PRKN: variants seen among roughly 807,000 people sequenced by gnomAD.
The protein encoded by PRKN is parkin RBR E3 ubiquitin protein ligase.
Under a neutral mutation model 59.5 loss-of-function variants are expected in PRKN, and 56 were observed. The ratio of observed to expected loss-of-function variants is 0.94; its 90% confidence interval spans 0.76 to 1.18. The LOEUF is 1.18. Ranked by LOEUF, PRKN falls within the 50% of genes most tolerant of loss-of-function variation. PRKN has a pLI of 0.00. For missense variants in PRKN, 657 were observed against 596.4 expected (o/e 1.10, Z -1.06); for synonymous variants, 250 against 222.1 (o/e 1.13, Z -1.12).
intron 7 of PRKN, among the ~76,000 whole-genome samples, chr6:161,621,240 G>A (rs577091346): frequency 2.3e-4 from 35 of 152,200 alleles, no homozygotes; most frequent in African/African-American, 8.4e-4. Flanking sequence ...TTTCTTAGAG[G>A]AATTGGCTCA....
Position 162,359,073 on chromosome 6 carries a change from A to T in PRKN, c.171+84237T>A, listed in dbSNP as rs867049041. ...ACACACTGTGGCAAAAAAAAAAAAA[A>T]AAAAAAATATATATATATATATATG... On this transcript the variant is annotated intron_variant, in intron 2 of 11. Transcript: ENST00000366898. Among the ~76,000 whole-genome samples, 728 of 89,594 alleles carry T rather than the reference A, an allele frequency of 8.1e-3. 5 individuals carry two copies. The highest frequency in any genetic ancestry group is 0.019 in the Middle Eastern group (4 of 210). The allele number at this position is 89,594 out of a possible 152,430, so 58.8% of individuals were successfully genotyped here. A position where few individuals can be genotyped will look rare whatever the true frequency, so the allele number is the denominator to read the frequency against.
intron 1 of PRKN, among the ~76,000 whole-genome samples, chr6:162,668,845 T>A (rs1779208966): frequency 6.6e-6 from 1 of 152,118 alleles, no homozygotes; most frequent in Non-Finnish European, 1.5e-5. Flanking sequence ...TTTCCTATAT[T>A]TAATGGCACC....
At chr6:161,541,002 G>GT (rs530665204) in intron 9 of PRKN, among the ~76,000 whole-genome samples, 5 of 152,168 alleles carry the variant, frequency 3.3e-5, no homozygotes, top group Non-Finnish European at 4.4e-5. Flanking sequence ...TTTCTGGAAA[G>GT]TTTTTTTCTT....
At chr6:162,409,919 G>A (rs1287715507) in intron 2 of PRKN, among the ~76,000 whole-genome samples, 1 of 152,218 alleles carries the variant, frequency 6.6e-6, no homozygotes, top group African/African-American at 2.4e-5. Context: ...CACGGGATAT[G>A]TGCAACCATG....
chr6:162,274,743 G>A (rs1400745535), intron 2 of PRKN, among the ~76,000 whole-genome samples: 1 of 152,068 alleles, frequency 6.6e-6, no homozygotes, highest in Non-Finnish European at 1.5e-5. Flanking sequence ...TTGCATATGG[G>A]TGGTATTACT....
Position 161,592,222 on chromosome 6 carries a change from G to A in PRKN, c.872-22806C>T, listed in dbSNP as rs754809900. On this transcript the variant is annotated intron_variant, in intron 7 of 11. Coordinates refer to ENST00000366898, the MANE Select transcript of PRKN (RefSeq NM_004562.3). The surrounding 1 kb of genome is among the most constrained non-coding windows in gnomAD (Gnocchi z 4.8). ...TGACTCCTCAGTTGTGGAACCCATA[G>A]ATACAGGGGGTTGACAGACACTAGG... Among the ~76,000 whole-genome samples, 1 of 152,112 alleles carries A rather than the reference G, an allele frequency of 6.6e-6. No homozygotes were observed. The highest frequency in any genetic ancestry group is 1.5e-5 in the Non-Finnish European group (1 of 68,006).
chr6:161,640,082 A>G, intron 7 of PRKN, among the ~76,000 whole-genome samples: 1 of 152,230 alleles, frequency 6.6e-6, no homozygotes. Flanking sequence ...TAGGCTAACC[A>G]GCACTGTATG....
rs888026226 is a variant in PRKN at position 162,197,425 on chromosome 6, C to T, written c.534+3706G>A. Among the ~76,000 whole-genome samples, 52 of 152,008 alleles carry T rather than the reference C, an allele frequency of 3.4e-4. 1 individual carries two copies. The highest frequency in any genetic ancestry group is 1.2e-3 in the African/African-American group (50 of 41,384). On this transcript the variant is annotated intron_variant, in intron 4 of 11. Transcript: ENST00000366898. The stretch of plus-strand genomic sequence containing the variant: ...CTAAAATATGGATTATATAAGTTAT[C>T]TTTGATTTAATTGTCCCTAAATCCA...
chr6:162,599,106 T>C (rs1781600628), intron 1 of PRKN, among the ~76,000 whole-genome samples: 2 of 152,268 alleles, frequency 1.3e-5, no homozygotes, highest in African/African-American at 2.4e-5. Context: ...TCTGGACATA[T>C]GATCAATTAA....
intron 7 of PRKN, among the ~76,000 whole-genome samples, chr6:161,734,428 A>G (rs1390595093): frequency 1.3e-5 from 2 of 152,200 alleles, no homozygotes; most frequent in African/African-American, 4.8e-5. Flanking sequence ...TACTGAGATT[A>G]GTATTGTGTG....
intron 2 of PRKN, among the ~76,000 whole-genome samples, chr6:162,427,943 A>T (rs1562757324): frequency 6.6e-6 from 1 of 152,200 alleles, no homozygotes; most frequent in Non-Finnish European, 1.5e-5. Flanking sequence ...AATGGAACAC[A>T]ATCAGAGAGC....
intron 5 of PRKN, among the ~76,000 whole-genome samples, chr6:162,005,457 A>G (rs1183143143): frequency 1.3e-5 from 2 of 152,156 alleles, no homozygotes; most frequent in Non-Finnish European, 2.9e-5. Context: ...GAAATGCTGT[A>G]GTGGAAAAGA....
At chr6:162,574,788 G>A (rs1253700475) in intron 1 of PRKN, among the ~76,000 whole-genome samples, 1 of 125,538 alleles carries the variant, frequency 8.0e-6, no homozygotes, top group Non-Finnish European at 1.7e-5. Context: ...TTGCTGATTT[G>A]ATAGACAAAA....
intron 10 of PRKN, among the ~76,000 whole-genome samples, chr6:161,374,448 T>C (rs1350198430): frequency 6.7e-6 from 1 of 149,596 alleles, no homozygotes; most frequent in African/African-American, 2.5e-5. Flanking sequence ...GTGATGGGTG[T>C]GTGGTGCATA....
chr6:161,655,867 CA>C (rs1784327897), intron 7 of PRKN, among the ~76,000 whole-genome samples: 60 of 45,958 alleles, frequency 1.3e-3, no homozygotes, highest in African/African-American at 0.011. Flanking sequence ...AACACACATG[CA>C]CACACACACA....
intron 7 of PRKN, among the ~76,000 whole-genome samples, chr6:161,586,060 C>T (rs1355825845): frequency 6.6e-6 from 1 of 152,170 alleles, no homozygotes; most frequent in Non-Finnish European, 1.5e-5. Context: ...CACTCTGTCA[C>T]CCACTGTTGA....
intron 1 of PRKN, among the ~76,000 whole-genome samples, chr6:162,668,782 G>C (rs1779205529): frequency 6.6e-6 from 1 of 152,098 alleles, no homozygotes; most frequent in African/African-American, 2.4e-5. Context: ...CTAATAGGTA[G>C]GCCCAGGGAC....
chr6:162,688,115 A>G (rs908754723), intron 1 of PRKN, among the ~76,000 whole-genome samples: 2 of 152,214 alleles, frequency 1.3e-5, no homozygotes, highest in African/African-American at 4.8e-5. Context: ...ATCAAGTCAT[A>G]AGGTAAATGT....
intron 2 of PRKN, among the ~76,000 whole-genome samples, chr6:162,345,872 T>C (rs1165560375): frequency 6.6e-6 from 1 of 152,166 alleles, no homozygotes; most frequent in Non-Finnish European, 1.5e-5. Context: ...GGAAACTTAA[T>C]CCCCAAATTC....
Sources: gnomAD v4.1 joint callset for allele counts (sites outside exome capture counted in the v4.1 genomes callset) on GRCh38, gnomAD v4.1.1 for gene constraint, Gnocchi (gnomAD v3.1) non-coding constraint, MANE v1.5 for transcripts, NCBI Gene and HGNC (gene_info 2026-07-23, HGNC 2026-07-21) for gene names.